The following TMEM132C variants were observed in gnomAD, a reference collection of about 807,000 sequenced individuals.
The protein encoded by TMEM132C is transmembrane protein 132C, also known as protein phosphatase 1, regulatory subunit 152.
TMEM132C carries 29 observed loss-of-function variants against 61.4 expected under a neutral mutation model. The observed-to-expected ratio is 0.47, with a 90% CI of 0.35 to 0.64. The LOEUF is 0.64. Among genes scored for constraint, TMEM132C ranks in the 30% least tolerant of loss-of-function variants. TMEM132C has a pLI of 0.00. For missense variants in TMEM132C, 1,408 were observed against 1,476.9 expected, an observed-to-expected ratio of 0.95 and a Z score of 0.76; for synonymous variants, 656 against 633.1, an observed-to-expected ratio of 1.04 and a Z score of -0.54.
At chr12:128,454,583 A>T (rs948041594) in intron 2 of TMEM132C, among the ~76,000 whole-genome samples, 7 of 152,176 alleles carry the variant, frequency 4.6e-5, no homozygotes, top group African/African-American at 1.7e-4. Flanking sequence ...CCCATGAGGG[A>T]GGATGCAGAG....
At chr12:128,566,287 G>T (rs987653503) in intron 3 of TMEM132C, among the ~76,000 whole-genome samples, 10 of 151,736 alleles carry the variant, frequency 6.6e-5, no homozygotes, top group Non-Finnish European at 1.0e-4. Context: ...TACTAAAGAG[G>T]ATAACATGAG....
intron 1 of TMEM132C, among the ~76,000 whole-genome samples, chr12:128,340,717 C>A (rs990302910): frequency 7.2e-6 from 1 of 139,082 alleles, no homozygotes; most frequent in Non-Finnish European, 1.5e-5. Flanking sequence ...CTTTCTCTTT[C>A]TTCCTTCCTT....
chr12:128,352,168 A>C (rs976507765), intron 1 of TMEM132C, among the ~76,000 whole-genome samples: 1 of 152,308 alleles, frequency 6.6e-6, no homozygotes, highest in South Asian at 2.1e-4. Context: ...GATATACCTG[A>C]GACTGGGTAT....
At chr12:128,687,643 A>T (rs1290060150) in intron 5 of TMEM132C, among the ~76,000 whole-genome samples, 1 of 152,252 alleles carries the variant, frequency 6.6e-6, no homozygotes, top group African/African-American at 2.4e-5. Flanking sequence ...TCGAGTGAAC[A>T]GTGTGAAACC....
At chr12:128,588,955 C>T (rs753488964) in intron 3 of TMEM132C, among the ~76,000 whole-genome samples, 5 of 152,150 alleles carry the variant, frequency 3.3e-5, no homozygotes, top group African/African-American at 4.8e-5. Context: ...CGTGCAATGC[C>T]GCTGCTGATT....
Position 128,384,623 on chromosome 12 carries a change from G to A in TMEM132C, c.86-30109G>A, listed in dbSNP as rs1466510218. Among the ~76,000 whole-genome samples, 6 of 152,270 alleles carry A rather than the reference G, an allele frequency of 3.9e-5. No homozygotes were observed. In the East Asian group the frequency reaches 5.8e-4, roughly 15 times the overall value. On this transcript the variant is annotated intron_variant, in intron 1 of 8. Coordinates refer to ENST00000435159, the MANE Select transcript of TMEM132C (RefSeq NM_001136103.3). ...TTCCTAGGCTCCACTAAAGCTTCTG[G>A]AAGTCAGAGGGTTGGATCAGTCTTG...
At chr12:128,417,996 C>T (rs548283750) in intron 2 of TMEM132C, among the ~76,000 whole-genome samples, 2 of 152,138 alleles carry the variant, frequency 1.3e-5, no homozygotes, top group East Asian at 1.9e-4. Context: ...TGCTTGGTGC[C>T]GTGGAGCGCA....
intron 1 of TMEM132C, among the ~76,000 whole-genome samples, chr12:128,387,443 T>C (rs958259369): frequency 3.3e-5 from 5 of 152,192 alleles, no homozygotes; most frequent in African/African-American, 1.2e-4. Context: ...CTGCAAGGCT[T>C]TGAGTAACTG....
In TMEM132C at chr12:128,705,281, G is replaced by A; in HGVS notation, c.2313G>A (p.Val771=). 1.3e-6 allele frequency: 2 copies of A among 1,551,572 alleles called. No homozygotes were observed. Among genetic ancestry groups the A allele is most frequent in the Non-Finnish European group, 1.7e-6 (2 of 1,146,934 alleles). The change falls in exon 9 of 9, where the codon GTG becomes GTA. Residue 771 remains valine (V), a synonymous_variant. Transcript: ENST00000435159. Reference sequence around the variant, plus strand: ...AAGGCCAGGGCCCACTGATCCGAGTGGACATGACGATCGCCGAGGCCTGCC... The same window carrying A: ...AAGGCCAGGGCCCACTGATCCGAGTAGACATGACGATCGCCGAGGCCTGCC... The part of the protein sequence containing the change: ...EGEGQGPLIR[V]DMTIAEACQK...
chr12:128,662,902 C>T (rs1954406669), intron 4 of TMEM132C, among the ~76,000 whole-genome samples: 2 of 152,168 alleles, frequency 1.3e-5, no homozygotes, highest in South Asian at 4.1e-4. Context: ...ACTAGGCAGA[C>T]GTCTGGTCTC....
chr12:128,285,769 T>TTC (rs139826127), intron 1 of TMEM132C, among the ~76,000 whole-genome samples: 2 of 17,466 alleles, frequency 1.1e-4, no homozygotes, highest in East Asian at 5.0e-3. Flanking sequence ...CTTTCTCTCT[T>TTC]TCTCTCTCTC....
intron 1 of TMEM132C, among the ~76,000 whole-genome samples, chr12:128,284,724 G>C (rs1871005246): frequency 6.6e-6 from 1 of 152,086 alleles, no homozygotes; most frequent in Non-Finnish European, 1.5e-5. Flanking sequence ...AAAGTCAGTG[G>C]CTTAAGTTAA....
Position 128,267,278 on chromosome 12 carries a change from A to T in TMEM132C, c.-125A>T. ...GGCAGGGGCGGGCCTCGGACAGCAG[A>T]GACGCAGCGGGCCCGGCCGACCGGG... On this transcript the variant is annotated 5_prime_UTR_variant, in exon 1 of 9. Transcript: ENST00000435159. 1 of 475,508 alleles carries T rather than the reference A, an allele frequency of 2.1e-6. No homozygotes were observed. Among genetic ancestry groups the T allele is most frequent in the Non-Finnish European group, 2.7e-6 (1 of 366,104 alleles). 29.5% of individuals were successfully genotyped at this position (475,508 alleles called of 1,614,324 possible).
intron 2 of TMEM132C, among the ~76,000 whole-genome samples, chr12:128,483,709 C>T (rs907610712): frequency 2.6e-5 from 4 of 152,052 alleles, no homozygotes; most frequent in Non-Finnish European, 4.4e-5. Context: ...TTCAGAGCCC[C>T]GTGGGAAATT....
Position 128,539,966 on chromosome 12 carries a change from C to T in TMEM132C, c.975-3991C>T, listed in dbSNP as rs978167891. ...AATTATTTCATTAATGATTCATCCT[C>T]TTTCTTTTCTCTGTTTCTTTTTTCT... On this transcript the variant is annotated intron_variant, in intron 2 of 8. Coordinates refer to ENST00000435159, the MANE Select transcript of TMEM132C (RefSeq NM_001136103.3). 2.0e-5 allele frequency among the ~76,000 whole-genome samples: 3 copies of T among 152,082 alleles called. No individual in the cohort carries two copies. In the East Asian group the frequency reaches 5.8e-4, roughly 29 times the overall value.
chr12:128,493,882 C>T (rs1258484401), intron 2 of TMEM132C, among the ~76,000 whole-genome samples: 1 of 152,136 alleles, frequency 6.6e-6, no homozygotes, highest in African/African-American at 2.4e-5. Context: ...ACTTCCAACA[C>T]TATGTTGAAT....
chr12:128,545,160 C>A (rs1326966187), intron 3 of TMEM132C, among the ~76,000 whole-genome samples: 1 of 152,150 alleles, frequency 6.6e-6, no homozygotes, highest in Non-Finnish European at 1.5e-5. Context: ...GTCTGTTGTT[C>A]CCATCTTTAT....
At chr12:128,547,409 A>C (rs1873991041) in intron 3 of TMEM132C, among the ~76,000 whole-genome samples, 1 of 151,184 alleles carries the variant, frequency 6.6e-6, no homozygotes, top group Non-Finnish European at 1.5e-5. Flanking sequence ...CAAAAAAAAA[A>C]AAAAATTAGC....
chr12:128,602,436 G>A (rs1876230328), intron 3 of TMEM132C, among the ~76,000 whole-genome samples: 1 of 152,210 alleles, frequency 6.6e-6, no homozygotes, highest in South Asian at 2.1e-4. Context: ...AACCTCTCGA[G>A]CTCTGCCTGA....
Sources: gnomAD v4.1 joint callset for allele counts (sites outside exome capture counted in the v4.1 genomes callset) on GRCh38, gnomAD v4.1.1 for gene constraint, MANE v1.5 for transcripts, NCBI Gene and HGNC (gene_info 2026-07-23, HGNC 2026-07-21) for gene names.